The following KDM2B variants were observed in gnomAD, a reference collection of about 807,000 sequenced individuals.
The protein encoded by KDM2B is lysine-specific demethylase 2B.
In KDM2B, 26 loss-of-function variants were observed where a neutral mutation model predicts 150.0. The ratio of observed to expected loss-of-function variants is 0.17; its 90% CI spans 0.13 to 0.24. The LOEUF is 0.24. Ranked by LOEUF, KDM2B falls within the 10% of genes least tolerant of loss-of-function variation. KDM2B has a pLI of 1.00. For missense variants in KDM2B, 1,265 were observed against 1,816.9 expected (o/e 0.70, Z 5.52); for synonymous variants, 734 against 729.5 (o/e 1.01, Z -0.10).
rs782284029 is a variant in KDM2B, at chr12:121,444,141, G to T, written c.2322C>A (p.Pro774=). 2 of 1,612,720 alleles carry T rather than the reference G, an allele frequency of 1.2e-6. No individual in the cohort carries two copies. Among genetic ancestry groups the T allele is most frequent in the Non-Finnish European group, 1.7e-6 (2 of 1,180,040 alleles). Residue 774 remains proline (P), a synonymous_variant, in exon 16 of 23, where the codon CCC becomes CCA. Transcript: ENST00000377071. The part of the protein sequence containing the change: ...AKRRSECEEA[P]RRRSDEHSKK... ...TCGAGTGCTCATCCGACCTGCGCCG[G>T]GGCGCCTCCTCACACTCACTCCTCC...
chr12:121,512,167 T>G (rs965973106), intron 10 of KDM2B, among the ~76,000 whole-genome samples: 1 of 152,114 alleles, frequency 6.6e-6, no homozygotes, highest in Non-Finnish European at 1.5e-5. Context: ...TCTCACGCTA[T>G]TTCAGGATCA....
At chr12:121,450,434 G>C (rs1364663462) in intron 13 of KDM2B, among the ~76,000 whole-genome samples, 1 of 152,148 alleles carries the variant, frequency 6.6e-6, no homozygotes, top group African/African-American at 2.4e-5. Flanking sequence ...TTGAGAAGAT[G>C]CTCAACATCA....
chr12:121,525,430 G>T (rs1052498835), intron 8 of KDM2B, among the ~76,000 whole-genome samples: 2 of 152,040 alleles, frequency 1.3e-5, no homozygotes, highest in East Asian at 3.9e-4. Context: ...TTTTACTAGA[G>T]ATGAGGTTTT....
intron 12 of KDM2B, among the ~76,000 whole-genome samples, chr12:121,463,345 C>T (rs1258929359): frequency 6.6e-6 from 1 of 151,838 alleles, no homozygotes; most frequent in Non-Finnish European, 1.5e-5. Flanking sequence ...AGACAAATAC[C>T]TAATGCATGT....
intron 12 of KDM2B, among the ~76,000 whole-genome samples, chr12:121,479,272 A>AT (rs1881784392): frequency 6.6e-6 from 1 of 150,552 alleles, no homozygotes; most frequent in Non-Finnish European, 1.5e-5. Context: ...ACAAGGTGAA[A>AT]CCCGCCCCTC....
chr12:121,582,257 G>A (rs1046112023), upstream of KDM2B, among the ~76,000 whole-genome samples: 3 of 148,926 alleles, frequency 2.0e-5, no homozygotes, highest in Non-Finnish European at 4.4e-5. Flanking sequence ...TAGCGCGTAT[G>A]TGCCGCTGCC....
At chr12:121,516,891 GA>G (rs781898688) in intron 9 of KDM2B, 28,787 of 418,400 alleles carry the variant, frequency 0.069, no homozygotes, top group South Asian at 0.088. Context: ...AAAATCAATG[GA>G]AAAAAAAAAA....
At chr12:121,542,827 C>T (rs1888709886) in intron 6 of KDM2B, among the ~76,000 whole-genome samples, 1 of 152,160 alleles carries the variant, frequency 6.6e-6, no homozygotes, top group Non-Finnish European at 1.5e-5. Context: ...ATTATTCCCT[C>T]ATTGGCTTTC....
Position 121,574,540 on chromosome 12 carries a change from G to T in KDM2B, c.397+7C>A. On this transcript the variant is annotated splice_region_variant and intron_variant, in intron 4 of 22. Coordinates refer to ENST00000377071, the MANE Select transcript of KDM2B (RefSeq NM_032590.5). ...TGTCTGAGCCACACACACGGCAAGC[G>T]ACTTACCCACTAGGAGTTTGACGTC... 6.2e-7 allele frequency: 1 copy of T among 1,613,620 alleles called. No individual in the cohort carries two copies. The highest frequency in any genetic ancestry group is 1.1e-5 in the South Asian group (1 of 91,036).
At chr12:121,508,174 CCTT>C (rs1340072737) in intron 11 of KDM2B, among the ~76,000 whole-genome samples, 34 of 152,114 alleles carry the variant, frequency 2.2e-4, no homozygotes, top group South Asian at 1.7e-3. Context: ...ATAGCAGTGA[CCTT>C]CTGGGGTCAA....
At chr12:121,567,631 A>G (rs1340566267) in intron 4 of KDM2B, among the ~76,000 whole-genome samples, 2 of 151,566 alleles carry the variant, frequency 1.3e-5, no homozygotes, top group East Asian at 1.9e-4. Context: ...AAGAAGAGAG[A>G]CCTTCAAATA....
At chr12:121,507,363 C>G in intron 11 of KDM2B, among the ~76,000 whole-genome samples, 1 of 152,024 alleles carries the variant, frequency 6.6e-6, no homozygotes, top group East Asian at 1.9e-4. Flanking sequence ...GACTTCATCT[C>G]AAAAAAATAA....
chr12:121,413,777 G>A, the KDM2B span, among the ~76,000 whole-genome samples: 3 of 151,666 alleles, frequency 2.0e-5, no homozygotes, highest in South Asian at 2.1e-4. Flanking sequence ...AGGTTTCACC[G>A]TGTTGGCCAG....
At chr12:121,500,398 C>T (rs115418065) in intron 11 of KDM2B, among the ~76,000 whole-genome samples, 3,427 of 152,322 alleles carry the variant, frequency 0.022, 140 homozygotes, top group African/African-American at 0.078. Flanking sequence ...GAAACTGCCC[C>T]GTACTGGACC....
rs1033908652 is a variant in KDM2B, at chr12:121,521,180, A to C, written c.932-80T>G. ...ACCTCACAAGGCTGCAGGGAGGGAG[A>C]GCGAGCGTGCAGGAGGGTGCAGGGA... On this transcript the variant is annotated intron_variant, in intron 8 of 22. Transcript: ENST00000377071. The surrounding 1 kb of genome is among the most constrained non-coding windows in gnomAD (Gnocchi z 4.9). The C allele has an allele frequency of 3.1e-6, 3 of 983,420 alleles. No individual in the cohort carries two copies. The highest frequency in any genetic ancestry group is 4.8e-6 in the Non-Finnish European group (3 of 624,194). 60.9% of individuals were successfully genotyped at this position (983,420 alleles called of 1,614,324 possible). A position where few individuals can be genotyped will look rare whatever the true frequency, so the allele number is the denominator to read the frequency against.
At chr12:121,494,700 G>A (rs781909616) in intron 11 of KDM2B, 35 bp from the exon 12 acceptor site, 1 of 1,532,450 alleles carries the variant, frequency 6.5e-7, no homozygotes, top group Non-Finnish European at 8.9e-7. Context: ...TTAGCCCAGG[G>A]GGAAGGGGAG....
At chr12:121,493,559 T>C (rs1239346209) in intron 12 of KDM2B, among the ~76,000 whole-genome samples, 1 of 152,188 alleles carries the variant, frequency 6.6e-6, no homozygotes, top group Non-Finnish European at 1.5e-5. Context: ...CTGTTTTCTC[T>C]GGATGGTGGA....
chr12:121,412,298 G>GGC, the KDM2B span, among the ~76,000 whole-genome samples: 2 of 147,200 alleles, frequency 1.4e-5, no homozygotes, highest in African/African-American at 5.1e-5. Flanking sequence ...GGAGTACAGT[G>GGC]GCGCAATCTC....
chr12:121,574,808 G>A (rs1289888427), intron 3 of KDM2B, among the ~76,000 whole-genome samples: 1 of 152,208 alleles, frequency 6.6e-6, no homozygotes, highest in Admixed American at 6.5e-5. Flanking sequence ...ACCCCAAGAG[G>A]CAACTCAAAC....
Sources: gnomAD v4.1 joint callset for allele counts (sites outside exome capture counted in the v4.1 genomes callset) on GRCh38, gnomAD v4.1.1 for gene constraint, Gnocchi (gnomAD v3.1) non-coding constraint, MANE v1.5 for transcripts, NCBI Gene and HGNC (gene_info 2026-07-23, HGNC 2026-07-21) for gene names.